COL11A1: variants seen among roughly 807,000 people sequenced by gnomAD.
COL11A1 encodes collagen type XI alpha 1 chain.
In COL11A1, 74 loss-of-function variants were observed where a neutral mutation model predicts 265.2. That is an observed-to-expected ratio of 0.28 (90% CI 0.23 to 0.34). The LOEUF is 0.34. COL11A1 is among the 10% of genes least tolerant of loss of function. The pLI is 1.00. For missense variants in COL11A1, 2,165 were observed against 2,263.6 expected (o/e 0.96, Z 0.88); for synonymous variants, 816 against 727.6 (o/e 1.12, Z -1.96).
chr1:103,017,288 T>C (rs1666644633), intron 11 of COL11A1, among the ~76,000 whole-genome samples: 1 of 152,084 alleles, frequency 6.6e-6, no homozygotes, highest in Admixed American at 6.6e-5. Flanking sequence ...AAAGTATAAG[T>C]TATTTGCATC....
At position 102,946,938 on chromosome 1, in the gene COL11A1, C is replaced by A. The variant is rs1337462128; in HGVS notation, c.3187G>T (p.Gly1063Trp). Residue 1063 changes from glycine (G) to tryptophan (W), a missense_variant, in exon 42 of 67, where the codon GGG becomes TGG. Physicochemically the swap from Gly to Trp is radical, Grantham distance 184 (BLOSUM62 -2). Transcript: ENST00000370096. ...ATTGGGCCAGCTGTACCTGCTGACC[C>A]ACGTTCTCCTGGTGAGCCCTAGTAT... ...PGPVGSPGER[G>W]SAGTAGPIGL... The A allele has an allele frequency of 6.2e-7, 1 of 1,612,574 alleles. No homozygotes were observed. The highest frequency in any genetic ancestry group is 8.5e-7 in the Non-Finnish European group (1 of 1,179,420).
At chr1:103,023,519 G>A (rs1667270290) in intron 7 of COL11A1, among the ~76,000 whole-genome samples, 1 of 151,742 alleles carries the variant, frequency 6.6e-6, no homozygotes, top group South Asian at 2.1e-4. Context: ...CACCATGCCT[G>A]GGTAATTTTG....
intron 36 of COL11A1, among the ~76,000 whole-genome samples, chr1:102,970,698 T>C (rs976915324): frequency 6.6e-6 from 1 of 152,152 alleles, no homozygotes; most frequent in Non-Finnish European, 1.5e-5. Flanking sequence ...CCTCTAGTGG[T>C]AATCCGAGCT....
chr1:102,971,272 A>G (rs1000355146), intron 36 of COL11A1, among the ~76,000 whole-genome samples: 1 of 152,194 alleles, frequency 6.6e-6, no homozygotes, highest in Non-Finnish European at 1.5e-5. Context: ...TAAGAAATAA[A>G]TGAAGCAATT....
intron 4 of COL11A1, among the ~76,000 whole-genome samples, chr1:103,073,461 C>T (rs1445521568): frequency 6.6e-6 from 1 of 151,588 alleles, no homozygotes; most frequent in Non-Finnish European, 1.5e-5. Flanking sequence ...AATGTGCATG[C>T]AATCAGTGTT....
intron 18 of COL11A1, among the ~76,000 whole-genome samples, 162 bp from the exon 19 acceptor site, chr1:103,004,823 CAACTTT>C (rs1665446269): frequency 2.0e-5 from 3 of 151,954 alleles, no homozygotes; most frequent in Admixed American, 6.6e-5. Context: ...CATAATTTAA[CAACTTT>C]AACTGGCTTT....
chr1:103,090,534 T>G (rs903998201), intron 1 of COL11A1, among the ~76,000 whole-genome samples: 25 of 152,158 alleles, frequency 1.6e-4, no homozygotes, highest in African/African-American at 6.0e-4. Context: ...GATAACTAGT[T>G]TCCACAGTAA....
intron 24 of COL11A1, 182 bp downstream of exon 24, chr1:103,001,743 A>T (rs994762044): frequency 9.7e-6 from 6 of 619,010 alleles, no homozygotes; most frequent in African/African-American, 9.3e-5. Context: ...TATCATTCTC[A>T]GTTTAAGAAC....
chr1:102,896,485 A>G (rs1676493), intron 57 of COL11A1, among the ~76,000 whole-genome samples: 13,382 of 152,224 alleles, frequency 0.088, 709 homozygotes, highest in Middle Eastern at 0.16. Flanking sequence ...TTGAGATTAC[A>G]TATCACAAGT....
intron 20 of COL11A1, 46 bp from the exon 21 acceptor site, chr1:103,003,314 T>G (rs1161700850): frequency 8.3e-6 from 12 of 1,438,694 alleles, no homozygotes; most frequent in Non-Finnish European, 1.2e-5. Flanking sequence ...AAAAAAAATG[T>G]CCTAATAACA....
intron 24 of COL11A1, chr1:103,001,292 T>G (rs2101823653): frequency 2.5e-6 from 1 of 396,840 alleles, no homozygotes; most frequent in Middle Eastern, 6.3e-4. Flanking sequence ...GCTATTAGTT[T>G]TTTTTAATTA....
intron 12 of COL11A1, among the ~76,000 whole-genome samples, chr1:103,015,135 A>G (rs906268315): frequency 2.6e-5 from 4 of 152,068 alleles, no homozygotes; most frequent in Admixed American, 1.3e-4. Flanking sequence ...AAAATGCAGT[A>G]GGAGTCAATT....
At chr1:102,885,689 C>A (rs1176217125) in intron 63 of COL11A1, among the ~76,000 whole-genome samples, 2 of 151,882 alleles carry the variant, frequency 1.3e-5, no homozygotes, top group South Asian at 2.1e-4. Flanking sequence ...CACTGTAAAC[C>A]TTTGATATAT....
intron 46 of COL11A1, 133 bp downstream of exon 46, chr1:102,934,316 T>A (rs1657915595): frequency 1.5e-6 from 1 of 662,182 alleles, no homozygotes; most frequent in Non-Finnish European, 2.7e-6. Flanking sequence ...AATAAAATGA[T>A]CTTTATGGAT....
chr1:103,032,451 T>C (rs12726958), intron 4 of COL11A1, among the ~76,000 whole-genome samples: 12,305 of 152,088 alleles, frequency 0.081, 559 homozygotes, highest in Middle Eastern at 0.16. Context: ...GAAACACATA[T>C]TTGATATAAT....
At position 102,955,419 on chromosome 1, in the gene COL11A1, C is replaced by T. The variant is rs74110527; in HGVS notation, c.3168+6447G>A. 6.2e-3 allele frequency among the ~76,000 whole-genome samples: 942 copies of T among 152,140 alleles called. 18 individuals are homozygous for T. Among genetic ancestry groups the T allele is most frequent in the African/African-American group, 0.022 (899 of 41,514 alleles). ...AGGAAAACAGCAAAGACTGCTATAC[C>T]GCACAATTTTGAAATATTGGACATA... On this transcript the variant is annotated intron_variant, in intron 41 of 66. Transcript: ENST00000370096.
At chr1:103,047,979 T>C (rs1349542168) in intron 4 of COL11A1, among the ~76,000 whole-genome samples, 1 of 152,196 alleles carries the variant, frequency 6.6e-6, no homozygotes, top group Non-Finnish European at 1.5e-5. Context: ...GATAAGCTTT[T>C]TTATGTGCTG....
intron 6 of COL11A1, chr1:103,025,953 CT>C (rs1184613695): frequency 4.3e-6 from 7 of 1,610,262 alleles, no homozygotes; most frequent in Non-Finnish European, 5.1e-6. Flanking sequence ...ATTTCTTTTT[CT>C]GTAAAATGTG....
chr1:102,927,008 T>A (rs1221652377), intron 46 of COL11A1, among the ~76,000 whole-genome samples: 2 of 152,146 alleles, frequency 1.3e-5, no homozygotes, highest in African/African-American at 4.8e-5. Context: ...TAAAAAATCT[T>A]GTTATCTGAT....
Sources: allele counts gnomAD v4.1 joint callset (sites outside exome capture counted in the v4.1 genomes callset), GRCh38; gene constraint gnomAD v4.1.1; transcripts MANE v1.5; gene names NCBI Gene and HGNC (gene_info 2026-07-23, HGNC 2026-07-21).